The following DPYSL2 variants were observed in gnomAD, a reference collection of about 807,000 sequenced individuals.
DPYSL2 encodes the protein dihydropyrimidinase like 2.
In DPYSL2, 13 loss-of-function variants were observed where a neutral mutation model predicts 69.9. The observed-to-expected ratio is 0.19, with a 90% CI of 0.12 to 0.30. DPYSL2 has a LOEUF of 0.30. DPYSL2 is among the 10% of genes least tolerant of loss of function. The pLI, the probability that DPYSL2 is intolerant of heterozygous loss-of-function variation, is 1.00. For missense variants in DPYSL2, 587 were observed against 918.9 expected, an observed-to-expected ratio of 0.64 and a Z score of 4.67; for synonymous variants, 326 against 359.1, an observed-to-expected ratio of 0.91 and a Z score of 1.04.
Position 26,640,667 on chromosome 8 carries a change from C to T in DPYSL2, c.1127-2772C>T, listed in dbSNP as rs1459032527. 3.3e-5 allele frequency among the ~76,000 whole-genome samples: 5 copies of T among 152,166 alleles called. No individual in the cohort carries two copies. Among genetic ancestry groups the T allele is most frequent in the East Asian group, 1.9e-4 (1 of 5,164 alleles). Reference sequence around the variant, plus strand: ...TGGAACATGATGGCTAAACTCCTGTCGCTGATTCTGGGCTAAGAAAGAAAG... The same window carrying T: ...TGGAACATGATGGCTAAACTCCTGTTGCTGATTCTGGGCTAAGAAAGAAAG... On this transcript the variant is annotated intron_variant, in intron 8 of 13. Coordinates refer to ENST00000521913, the MANE Select transcript of DPYSL2 (RefSeq NM_001197293.3). This position sits in a 1 kb window ranked among gnomAD's most constrained non-coding sequence, Gnocchi z 4.2.
At chr8:26,603,828 T>A (rs1802047979) in intron 3 of DPYSL2, among the ~76,000 whole-genome samples, 1 of 152,144 alleles carries the variant, frequency 6.6e-6, no homozygotes, top group African/African-American at 2.4e-5. Flanking sequence ...CTTTTTTTTA[T>A]GGATAATATT....
chr8:26,575,091 G>C (rs994279954), intron 1 of DPYSL2, among the ~76,000 whole-genome samples: 6 of 152,190 alleles, frequency 3.9e-5, no homozygotes, highest in Non-Finnish European at 8.8e-5. Context: ...CAGCCACCAT[G>C]CCCGTCTGAT....
chr8:26,601,432 C>A (rs1183938631), intron 3 of DPYSL2, among the ~76,000 whole-genome samples: 2 of 151,558 alleles, frequency 1.3e-5, no homozygotes, highest in African/African-American at 4.9e-5. Flanking sequence ...GGCTGGAGTG[C>A]GGTGGCGCCA....
rs1802572656 is a variant in DPYSL2, at chr8:26,624,430, C to A, written c.793+123C>A. On this transcript the variant is annotated intron_variant, in intron 4 of 13. Transcript: ENST00000521913. The surrounding 1 kb of genome is among the most constrained non-coding windows in gnomAD (Gnocchi z 4.7). ...ATTTGTGCCTCATGCCCATGCCTGCCCCTGGGAAGGAGAGAGGGCTTTGGG... is the reference window on the plus strand; with the variant it reads ...ATTTGTGCCTCATGCCCATGCCTGCACCTGGGAAGGAGAGAGGGCTTTGGG... The A allele has an allele frequency of 7.8e-7, 1 of 1,285,358 alleles. No individual in the cohort carries two copies. The highest frequency in any genetic ancestry group is 1.1e-6 in the Non-Finnish European group (1 of 926,998). The allele number at this position is 1,285,358 out of a possible 1,614,324, so 79.6% of individuals were successfully genotyped here.
intron 8 of DPYSL2, among the ~76,000 whole-genome samples, chr8:26,635,417 G>A (rs1297737010): frequency 6.6e-6 from 1 of 152,140 alleles, no homozygotes; most frequent in Non-Finnish European, 1.5e-5. Flanking sequence ...CTGGGTCTCT[G>A]GTATTACTAG....
chr8:26,528,576 GGT>G (rs1563375483), intron 1 of DPYSL2, among the ~76,000 whole-genome samples: 1 of 151,826 alleles, frequency 6.6e-6, no homozygotes, highest in African/African-American at 2.4e-5. Flanking sequence ...GAACCCGGTG[GGT>G]GGAGGTTGCA....
rs894603868 is a variant in DPYSL2 at position 26,564,064 on chromosome 8, G to C, written c.355-17905G>C. Among the ~76,000 whole-genome samples the C allele has an allele frequency of 6.6e-6, 1 of 152,158 alleles. No individual in the cohort carries two copies. Among genetic ancestry groups the C allele is most frequent in the Non-Finnish European group, 1.5e-5 (1 of 68,018 alleles). On this transcript the variant is annotated intron_variant, in intron 1 of 13. Transcript: ENST00000521913. The surrounding 1 kb of genome is among the most constrained non-coding windows in gnomAD (Gnocchi z 4.8). ...AGCGTGAAAAGAGCCAGAAAAAAAG[G>C]CATCACAGAAGCGAGGGAGGGGAAT...
chr8:26,590,914 G>T (rs1162146084), intron 3 of DPYSL2, among the ~76,000 whole-genome samples: 1 of 152,262 alleles, frequency 6.6e-6, no homozygotes, highest in Non-Finnish European at 1.5e-5. Flanking sequence ...GGGTAGGCCT[G>T]TGGGGGTTAG....
intron 1 of DPYSL2, among the ~76,000 whole-genome samples, chr8:26,537,307 G>T (rs1251642455): frequency 6.6e-6 from 1 of 152,082 alleles, no homozygotes; most frequent in Non-Finnish European, 1.5e-5. Flanking sequence ...TTCTGGGAAG[G>T]CTGCCTTCGC....
chr8:26,594,267 G>C (rs1801809012), intron 3 of DPYSL2, among the ~76,000 whole-genome samples: 1 of 152,014 alleles, frequency 6.6e-6, no homozygotes, highest in African/African-American at 2.4e-5. Context: ...TGACACCTTT[G>C]GAACAAGTGT....
chr8:26,520,936 C>G (rs1427054737), intron 1 of DPYSL2, among the ~76,000 whole-genome samples: 2 of 152,052 alleles, frequency 1.3e-5, no homozygotes, highest in African/African-American at 4.8e-5. Flanking sequence ...AGGTCACTAT[C>G]CTGCTTATGA....
chr8:26,630,656 C>T (rs911989023), intron 7 of DPYSL2, among the ~76,000 whole-genome samples: 4 of 152,160 alleles, frequency 2.6e-5, no homozygotes, highest in African/African-American at 7.2e-5. Context: ...CAGGGAGCAC[C>T]ATTTACATTC....
intron 1 of DPYSL2, chr8:26,578,396 T>G (rs1256691010): frequency 1.3e-6 from 2 of 1,562,724 alleles, no homozygotes; most frequent in Non-Finnish European, 1.7e-6. Flanking sequence ...GGGACCGAAC[T>G]TTTTTTTTCC....
chr8:26,654,147 A>T lies in DPYSL2; in HGVS notation c.1942+750A>T, dbSNP rs1803335182. Among the ~76,000 whole-genome samples, 1 of 152,190 alleles carries T rather than the reference A, an allele frequency of 6.6e-6. No homozygotes were observed. The highest frequency in any genetic ancestry group is 2.4e-5 in the African/African-American group (1 of 41,448). ...TCCTCACCTGTATAATGGCAATAATAGTAGTTGCTCCCCCGTGAGGTTGTT... is the reference window on the plus strand; with the variant it reads ...TCCTCACCTGTATAATGGCAATAATTGTAGTTGCTCCCCCGTGAGGTTGTT... On this transcript the variant is annotated intron_variant, in intron 13 of 13. Transcript: ENST00000521913. The surrounding 1 kb of genome is among the most constrained non-coding windows in gnomAD (Gnocchi z 5.0).
Position 26,588,400 on chromosome 8 carries a change from G to T in DPYSL2, c.628+4417G>T, listed in dbSNP as rs1420119562. On this transcript the variant is annotated intron_variant, in intron 3 of 13. Coordinates refer to ENST00000521913, the MANE Select transcript of DPYSL2 (RefSeq NM_001197293.3). This position sits in a 1 kb window ranked among gnomAD's most constrained non-coding sequence, Gnocchi z 5.4. ...TGGTGGGGTCTGTGACTCTGTATTC[G>T]AATCTGGTGCTTGGGGAGCTTTTTG... Among the ~76,000 whole-genome samples the T allele has an allele frequency of 6.6e-6, 1 of 152,168 alleles. No homozygotes were observed. The highest frequency in any genetic ancestry group is 2.1e-4 in the South Asian group (1 of 4,836).
intron 1 of DPYSL2, chr8:26,577,438 G>A (rs1801376901): frequency 6.7e-6 from 1 of 149,582 alleles, no homozygotes; most frequent in Non-Finnish European, 1.5e-5. Flanking sequence ...GCGCCGGCCG[G>A]CGGTGCAGTC....
At position 26,627,170 on chromosome 8, in the gene DPYSL2, A is replaced by T; in HGVS notation, c.856-45A>T. 6.4e-7 allele frequency: 1 copy of T among 1,562,640 alleles called. No homozygotes were observed. Among genetic ancestry groups the T allele is most frequent in the Non-Finnish European group, 8.8e-7 (1 of 1,133,424 alleles). ...GAGATGATTGTCTTTGTGAACAGGA[A>T]GATGGAAGTCCCTGTCTCTGATCCC... On this transcript the variant is annotated intron_variant, in intron 5 of 13. Coordinates refer to ENST00000521913, the MANE Select transcript of DPYSL2 (RefSeq NM_001197293.3). The surrounding 1 kb of genome is among the most constrained non-coding windows in gnomAD (Gnocchi z 6.9).
At position 26,648,220 on chromosome 8, in the gene DPYSL2, T is replaced by G. The variant is rs1337767516; in HGVS notation, c.1596+420T>G. 6.6e-6 allele frequency among the ~76,000 whole-genome samples: 1 copy of G among 152,188 alleles called. No homozygotes were observed. Among genetic ancestry groups the G allele is most frequent in the Non-Finnish European group, 1.5e-5 (1 of 68,042 alleles). ...GGGGACTTTGATCCTCTTAAGCCAT[T>G]GTTTTCTCAGGCCAGTATCCATGCA... On this transcript the variant is annotated intron_variant, in intron 11 of 13. Transcript: ENST00000521913. This position sits in a 1 kb window ranked among gnomAD's most constrained non-coding sequence, Gnocchi z 4.3.
At chr8:26,633,939 A>G (rs1802841143) in intron 7 of DPYSL2, among the ~76,000 whole-genome samples, 1 of 152,254 alleles carries the variant, frequency 6.6e-6, no homozygotes, top group African/African-American at 2.4e-5. Context: ...GTGAGGCTGC[A>G]TTGTTTCGTG....
Sources: allele counts gnomAD v4.1 joint callset (sites outside exome capture counted in the v4.1 genomes callset), GRCh38; gene constraint gnomAD v4.1.1; non-coding constraint Gnocchi (gnomAD v3.1); transcripts MANE v1.5; gene names NCBI Gene and HGNC (gene_info 2026-07-23, HGNC 2026-07-21).